Variants in SNX8 observed in about 807,000 individuals in gnomAD.
The protein encoded by SNX8 is sorting nexin-8.
In SNX8, 25 loss-of-function variants were observed where a neutral mutation model predicts 51.6. That is an observed-to-expected ratio of 0.48 (90% CI 0.35 to 0.68). The LOEUF is 0.68. Ranked by LOEUF, SNX8 falls within the 30% of genes least tolerant of loss-of-function variation. The pLI, the probability that SNX8 is intolerant of heterozygous loss-of-function variation, is 0.00. For synonymous variants in SNX8, 324 were observed against 277.0 expected, an observed-to-expected ratio of 1.17 and a Z score of -1.68; for missense variants, 695 against 624.0, an observed-to-expected ratio of 1.11 and a Z score of -1.21.
At chr7:2,270,756 C>G (rs142632919) in intron 4 of SNX8, among the ~76,000 whole-genome samples, 2 of 152,138 alleles carry the variant, frequency 1.3e-5, no homozygotes, top group African/African-American at 4.8e-5. Context: ...CCTCTGCCTC[C>G]GAGAGGAACG....
intron 4 of SNX8, among the ~76,000 whole-genome samples, chr7:2,270,251 G>T (rs143979352): frequency 3.9e-5 from 5 of 129,350 alleles, no homozygotes; most frequent in African/African-American, 5.7e-5. Context: ...AGCTGTTTGC[G>T]TGTCCAGGAA....
At chr7:2,267,134 C>T (rs979450973) in intron 5 of SNX8, among the ~76,000 whole-genome samples, 2 of 152,198 alleles carry the variant, frequency 1.3e-5, no homozygotes, top group African/African-American at 4.8e-5. Flanking sequence ...ACAGGCCTCC[C>T]AGCCCTGTGT....
chr7:2,313,061 C>A lies in SNX8; in HGVS notation c.94+1267G>T, dbSNP rs186955099. ...TACAGGCGCCCGCCACCGCGCCTGG[C>A]TAATTTTTTTTGTATTTTTAGTAGA... is the stretch of plus-strand genomic sequence containing the variant. On this transcript the variant is annotated intron_variant, in intron 1 of 10. Coordinates refer to ENST00000222990, the MANE Select transcript of SNX8 (RefSeq NM_013321.4). Among the ~76,000 whole-genome samples the A allele has an allele frequency of 6.4e-4, 97 of 152,034 alleles. 1 individual carries two copies. The highest frequency in any genetic ancestry group is 2.3e-3 in the African/African-American group (96 of 41,516).
intron 1 of SNX8, among the ~76,000 whole-genome samples, chr7:2,327,343 C>G (rs1778640392): frequency 6.6e-6 from 1 of 151,942 alleles, no homozygotes. Context: ...GGGTTCACGC[C>G]ATTCTCCTGC....
chr7:2,333,832 G>T (rs7801680), intron 1 of SNX8, among the ~76,000 whole-genome samples: 2 of 152,104 alleles, frequency 1.3e-5, no homozygotes, highest in Non-Finnish European at 2.9e-5. Context: ...CACGTCATAG[G>T]TCTAAACATA....
rs146266903 is a variant in SNX8, at chr7:2,332,144, T to A, written c.-66+22078A>T. ...ATCGCTTGAGCCTCGGAAGCAAAGG[T>A]TGCAGTGAACCAAGATCACACCACT... On this transcript the variant is annotated intron_variant, in intron 1 of 5. Coordinates refer to the SNX8 transcript ENST00000435336. Among the ~76,000 whole-genome samples the A allele has an allele frequency of 7.6e-4, 115 of 151,728 alleles. 1 individual carries two copies. Among genetic ancestry groups the A allele is most frequent in the African/African-American group, 2.6e-3 (106 of 41,392 alleles).
At chr7:2,300,651 T>A (rs776418965) in intron 1 of SNX8, among the ~76,000 whole-genome samples, 7 of 151,672 alleles carry the variant, frequency 4.6e-5, no homozygotes, top group Admixed American at 2.6e-4. Flanking sequence ...CTTTTTTTTT[T>A]AAATTATTGA....
intron 8 of SNX8, 53 bp downstream of exon 8, chr7:2,257,682 C>G: frequency 6.3e-7 from 1 of 1,586,240 alleles, no homozygotes; most frequent in South Asian, 1.1e-5. Flanking sequence ...TTGAAGGATC[C>G]TAAGATCATT....
chr7:2,306,412 C>T (rs763591118), intron 1 of SNX8, among the ~76,000 whole-genome samples: 5 of 152,132 alleles, frequency 3.3e-5, no homozygotes, highest in Non-Finnish European at 7.3e-5. Context: ...GCCCAGCCTC[C>T]GGGACAAATT....
chr7:2,309,136 G>A (rs1433324416), intron 1 of SNX8, among the ~76,000 whole-genome samples: 2 of 152,006 alleles, frequency 1.3e-5, no homozygotes, highest in East Asian at 1.9e-4. Context: ...TATTGCCCAG[G>A]CTGGCCTCAA....
chr7:2,329,599 G>C (rs1311410375), intron 1 of SNX8, among the ~76,000 whole-genome samples: 1 of 152,102 alleles, frequency 6.6e-6, no homozygotes, highest in Admixed American at 6.5e-5. Context: ...CCCACCTTAA[G>C]ACTGTGGGTC....
At chr7:2,283,632 A>G (rs761850279) in intron 1 of SNX8, among the ~76,000 whole-genome samples, 10 of 152,128 alleles carry the variant, frequency 6.6e-5, no homozygotes, top group Non-Finnish European at 1.3e-4. Flanking sequence ...AGTTCCCTAG[A>G]ACGGAGGGGA....
intron 9 of SNX8, among the ~76,000 whole-genome samples, 162 bp from the exon 10 acceptor site, chr7:2,257,185 C>T (rs1795207531): frequency 1.3e-5 from 2 of 152,202 alleles, no homozygotes; most frequent in Non-Finnish European, 2.9e-5. Context: ...GGAGGGAGCA[C>T]CGTGCAGGGA....
chr7:2,256,776 C>G lies in SNX8; in HGVS notation c.1284+98G>C, dbSNP rs915279861. 4 of 1,299,088 alleles carry G rather than the reference C, an allele frequency of 3.1e-6. No individual in the cohort carries two copies. In the African/African-American group the frequency reaches 4.4e-5, roughly 14 times the overall value. 80.5% of individuals were successfully genotyped at this position (1,299,088 alleles called of 1,614,324 possible). On this transcript the variant is annotated intron_variant, in intron 10 of 10. Coordinates refer to ENST00000222990, the MANE Select transcript of SNX8 (RefSeq NM_013321.4). ...AGCCCAACTCCACTAAAGAACCTCT[C>G]TAGGGCGGCCGGCCACCGCGCTGCC...
rs1292437793 is a variant in SNX8, at chr7:2,275,304, C to G, written c.301-75G>C. On this transcript the variant is annotated intron_variant, in intron 2 of 10. Transcript: ENST00000222990. The stretch of plus-strand genomic sequence containing the variant: ...CGCGTCACTTCCCCTCAACAGAGCC[C>G]GGGAAAACGACAGCACCAAGTGCAT... 9.1e-5 allele frequency: 90 copies of G among 984,860 alleles called. 1 individual carries two copies. The South Asian group carries it at 9.6e-4, about 10-fold the overall frequency. The allele number at this position is 984,860 out of a possible 1,614,324, so 61.0% of individuals were successfully genotyped here.
intron 1 of SNX8, among the ~76,000 whole-genome samples, chr7:2,329,451 C>T (rs920984772): frequency 2.2e-4 from 34 of 152,142 alleles, no homozygotes; most frequent in African/African-American, 6.8e-4. Context: ...CGTTGTTTTT[C>T]GTGCGGGGGC....
rs775040239 is a variant in SNX8, at chr7:2,256,903, C to G, written c.1255G>C (p.Val419Leu). The change falls in exon 10 of 11, where the codon GTC becomes CTC. Residue 419 changes from valine to leucine, a missense_variant. Coordinates refer to ENST00000222990, the MANE Select transcript of SNX8 (RefSeq NM_013321.4). ...PLTSHILRAF[V>L]NSQIQGHKEM... ...TTGTGCCCTTGGATCTGAGAGTTGA[C>G]GAAGGCGCGGAGGATGTGGGAGGTG... The G allele has an allele frequency of 6.2e-7, 1 of 1,613,144 alleles. No homozygotes were observed. The highest frequency in any genetic ancestry group is 1.1e-5 in the South Asian group (1 of 90,980).
chr7:2,338,494 G>A (rs986245608), intron 1 of SNX8, among the ~76,000 whole-genome samples: 3 of 150,980 alleles, frequency 2.0e-5, no homozygotes, highest in Admixed American at 1.3e-4. Context: ...AAATTGGCGG[G>A]CGTGGTGGCG....
intron 1 of SNX8, among the ~76,000 whole-genome samples, chr7:2,333,347 G>C (rs1778772790): frequency 6.6e-6 from 1 of 152,154 alleles, no homozygotes; most frequent in Admixed American, 6.6e-5. Flanking sequence ...TGGATCCAAG[G>C]TCAAGAGATC....
Sources: gnomAD v4.1 joint callset for allele counts (sites outside exome capture counted in the v4.1 genomes callset) on GRCh38, gnomAD v4.1.1 for gene constraint, MANE v1.5 for transcripts, NCBI Gene and HGNC (gene_info 2026-07-23, HGNC 2026-07-21) for gene names.